STAU2: variants seen among roughly 807,000 people sequenced by gnomAD.
STAU2 encodes the protein double-stranded RNA-binding protein Staufen homolog 2.
STAU2 carries 20 observed loss-of-function variants against 65.9 expected under a neutral mutation model. That is an observed-to-expected ratio of 0.30 (90% confidence interval 0.21 to 0.44). The LOEUF (loss-of-function observed/expected upper bound fraction) is 0.44, where lower values mean the gene tolerates loss of function less well. Among genes scored for constraint, STAU2 ranks in the 20% least tolerant of loss-of-function variants. STAU2 has a pLI of 1.00. For synonymous variants in STAU2, 232 were observed against 233.9 expected (o/e 0.99, Z 0.07); for missense variants, 558 against 683.9 (o/e 0.82, Z 2.05).
At chr8:73,597,498 CAAAAATAAA>C (rs1265499834) in intron 10 of STAU2, among the ~76,000 whole-genome samples, 1 of 115,664 alleles carries the variant, frequency 8.6e-6, no homozygotes, top group Non-Finnish European at 1.9e-5. Flanking sequence ...ACTAAAAATA[CAAAAATAAA>C]AAAAAAAAAA....
chr8:73,568,273 ATTAC>A (rs1472022545), intron 12 of STAU2, among the ~76,000 whole-genome samples: 1 of 152,256 alleles, frequency 6.6e-6, no homozygotes, highest in Non-Finnish European at 1.5e-5. Flanking sequence ...TAAAACACAC[ATTAC>A]TTTAAACTGA....
At chr8:73,473,583 C>T (rs1196323266) in intron 13 of STAU2, among the ~76,000 whole-genome samples, 2 of 152,178 alleles carry the variant, frequency 1.3e-5, no homozygotes, top group Admixed American at 6.5e-5. Context: ...TGAGGACTGG[C>T]ACCTTCTTCC....
chr8:73,650,045 T>A (rs1324155204), intron 6 of STAU2, among the ~76,000 whole-genome samples: 4 of 151,658 alleles, frequency 2.6e-5, no homozygotes, highest in Admixed American at 6.6e-5. Flanking sequence ...AATCGCAGAT[T>A]TTATTCAAAG....
chr8:73,448,300 T>C (rs1338581003), intron 13 of STAU2, among the ~76,000 whole-genome samples: 1 of 151,364 alleles, frequency 6.6e-6, no homozygotes, highest in Non-Finnish European at 1.5e-5. Flanking sequence ...ATACAAGTCT[T>C]TTTTTTTTGG....
chr8:73,463,642 C>G (rs1347795751), intron 13 of STAU2, among the ~76,000 whole-genome samples: 1 of 152,162 alleles, frequency 6.6e-6, no homozygotes, highest in Admixed American at 6.5e-5. Flanking sequence ...TTATGAGAAG[C>G]ATGTTCAGAA....
At chr8:73,549,527 C>T (rs1807171312) in intron 13 of STAU2, 1 of 634,544 alleles carries the variant, frequency 1.6e-6, no homozygotes, top group Middle Eastern at 8.1e-4. Flanking sequence ...TTCAGTTGAT[C>T]AAAGTAGCTT....
chr8:73,445,349 A>C (rs1818412776), intron 13 of STAU2, among the ~76,000 whole-genome samples: 7 of 152,294 alleles, frequency 4.6e-5, no homozygotes, highest in Admixed American at 4.6e-4. Context: ...TTTTATACGA[A>C]AGTACAAAGC....
At chr8:73,707,257 G>A (rs1277006287) in intron 4 of STAU2, among the ~76,000 whole-genome samples, 1 of 152,192 alleles carries the variant, frequency 6.6e-6, no homozygotes, top group African/African-American at 2.4e-5. Flanking sequence ...CAGAATCAAT[G>A]GATCTGCAGT....
chr8:73,678,889 A>C (rs544660603), intron 5 of STAU2, among the ~76,000 whole-genome samples: 119 of 152,330 alleles, frequency 7.8e-4, no homozygotes, highest in Non-Finnish European at 1.3e-3. Flanking sequence ...TCTGCAGAGT[A>C]GTCCTTGAAA....
At chr8:73,567,377 T>C (rs1390904123) in intron 12 of STAU2, among the ~76,000 whole-genome samples, 3 of 152,090 alleles carry the variant, frequency 2.0e-5, no homozygotes, top group Admixed American at 6.5e-5. Context: ...TGTGGTGGCA[T>C]ATGCCTGTAA....
intron 13 of STAU2, among the ~76,000 whole-genome samples, chr8:73,538,261 A>C (rs1045427564): frequency 4.6e-5 from 7 of 152,214 alleles, no homozygotes; most frequent in African/African-American, 1.4e-4. Flanking sequence ...ATACTATGGT[A>C]ATATAACCAG....
chr8:73,664,353 C>G (rs970396495), intron 6 of STAU2, among the ~76,000 whole-genome samples: 3 of 152,168 alleles, frequency 2.0e-5, no homozygotes, highest in African/African-American at 7.2e-5. Flanking sequence ...GAAGTGATAA[C>G]AGTGTGTATT....
intron 3 of STAU2, among the ~76,000 whole-genome samples, chr8:73,730,728 C>CA (rs60034849): frequency 0.09 from 7,353 of 82,108 alleles, 336 homozygotes; most frequent in Middle Eastern, 0.12. Context: ...CTACGTCTTT[C>CA]AAAAAAAAAA....
chr8:73,550,776 G>C (rs552644495), intron 13 of STAU2: 152 of 987,328 alleles, frequency 1.5e-4, no homozygotes, highest in Non-Finnish European at 1.8e-4. Context: ...GCTTCTTGAA[G>C]TTCATATTAA....
chr8:73,735,457 C>T (rs1806368903), intron 3 of STAU2, among the ~76,000 whole-genome samples: 1 of 152,148 alleles, frequency 6.6e-6, no homozygotes, highest in South Asian at 2.1e-4. Flanking sequence ...ATTGAGCATC[C>T]TAAATCCAAA....
At chr8:73,580,123 T>C (rs1270135108) in intron 12 of STAU2, among the ~76,000 whole-genome samples, 1 of 152,160 alleles carries the variant, frequency 6.6e-6, no homozygotes, top group Non-Finnish European at 1.5e-5. Context: ...TTTATCCAAA[T>C]AATGGGTGGC....
At chr8:73,553,297 C>T (rs1807471863) in intron 12 of STAU2, among the ~76,000 whole-genome samples, 1 of 152,156 alleles carries the variant, frequency 6.6e-6, no homozygotes, top group South Asian at 2.1e-4. Flanking sequence ...AACTTAATTT[C>T]CTGTTCTTGC....
At chr8:73,455,244 G>C (rs1201975412) in intron 13 of STAU2, among the ~76,000 whole-genome samples, 1 of 152,140 alleles carries the variant, frequency 6.6e-6, no homozygotes, top group Non-Finnish European at 1.5e-5. Context: ...GAGACTCACA[G>C]CTATCTGATG....
At chr8:73,554,010 C>T (rs998819921) in intron 12 of STAU2, among the ~76,000 whole-genome samples, 1 of 152,028 alleles carries the variant, frequency 6.6e-6, no homozygotes, top group African/African-American at 2.4e-5. Context: ...TTTGTGTCTG[C>T]ACAAACTGGC....
Sources: allele counts gnomAD v4.1 joint callset (sites outside exome capture counted in the v4.1 genomes callset), GRCh38; gene constraint gnomAD v4.1.1; transcripts MANE v1.5; gene names NCBI Gene and HGNC (gene_info 2026-07-23, HGNC 2026-07-21).